The following SACS variants were observed in gnomAD, a reference collection of about 807,000 sequenced individuals.
The protein encoded by SACS is sacsin molecular chaperone, also known as sacsin.
In SACS, 197 loss-of-function variants were observed where a neutral mutation model predicts 348.0. That is an observed-to-expected ratio of 0.57 (90% confidence interval 0.50 to 0.64). The LOEUF (loss-of-function observed/expected upper bound fraction) is 0.64. Ranked by LOEUF, SACS falls within the 30% of genes least tolerant of loss-of-function variation. The pLI is 0.00. For missense variants in SACS, 4,999 were observed against 5,360.8 expected (o/e 0.93, Z 2.11); for synonymous variants, 1,985 against 1,910.6 (o/e 1.04, Z -1.02).
At chr13:23,392,102 C>G (rs1872548935) in intron 2 of SACS, among the ~76,000 whole-genome samples, 1 of 152,168 alleles carries the variant, frequency 6.6e-6, no homozygotes, top group Non-Finnish European at 1.5e-5. Context: ...ACCGGGTCCC[C>G]CCAACTTGAC....
rs762007924 is a variant in SACS, at chr13:23,332,650, A to G, written c.11226T>C (p.Asp3742=). 1.2e-6 allele frequency: 2 copies of G among 1,613,714 alleles called. No individual in the cohort carries two copies. The highest frequency in any genetic ancestry group is 1.6e-4 in the Middle Eastern group (1 of 6,062). The change falls in exon 10 of 10, where the codon GAT becomes GAC. Residue 3742 remains aspartate, a synonymous_variant. Coordinates refer to ENST00000382292, the MANE Select transcript of SACS (RefSeq NM_014363.6). ...QVLNMLNVNL[D]PPLDKVINNC... ...TATTGATTACCTTATCAAGAGGAGG[A>G]TCCAGGTTAACATTAAGCATATTTA...
chr13:23,335,514 C>T lies in SACS; in HGVS notation c.8362G>A (p.Val2788Ile), dbSNP rs766202221. ...KQFHASVIDS[V>I]TKKRQLKDIP... ...TCTTTGAGCTGCCTCTTTTTAGTAA[C>T]ACTATCAATTACAGATGCATGAAAT... Residue 2788 changes from valine to isoleucine, a missense_variant, in exon 10 of 10, where the codon GTT becomes ATT. Around this residue, in one of 6 missense-constraint regions of SACS, gnomAD observed 3,156 missense variants for 3,380.1 expected, o/e 0.93. Transcript: ENST00000382292. The surrounding 1 kb of genome is among the most constrained non-coding windows in gnomAD (Gnocchi z 4.7). 14 of 1,613,554 alleles carry T rather than the reference C, an allele frequency of 8.7e-6. No individual in the cohort carries two copies. In the East Asian group the frequency reaches 1.6e-4, roughly 18 times the overall value.
At chr13:23,373,491 CG>C in intron 3 of SACS, 3 of 155,432 alleles carry the variant, frequency 1.9e-5, no homozygotes, top group Non-Finnish European at 4.3e-5. Context: ...TTAAAGCAGT[CG>C]GGGGGCTGAG....
chr13:23,412,928 C>G (rs931038445), intron 1 of SACS, among the ~76,000 whole-genome samples: 2 of 152,130 alleles, frequency 1.3e-5, no homozygotes, highest in Admixed American at 1.3e-4. Context: ...TTTTAGGGTG[C>G]TGGGCACAAT....
chr13:23,395,881 C>G (rs1427246673), intron 2 of SACS, among the ~76,000 whole-genome samples: 1 of 152,248 alleles, frequency 6.6e-6, no homozygotes, highest in East Asian at 1.9e-4. Flanking sequence ...TACAAGGTCT[C>G]TATTTGCATC....
In SACS at chr13:23,355,554, C is replaced by T; in HGVS notation, c.1058G>A (p.Gly353Glu). The T allele has an allele frequency of 6.2e-7, 1 of 1,614,090 alleles. No individual in the cohort carries two copies. ...TTTACAATAGTTACTTATAGCAGTT[C>T]CCAGAATCTTTATAGAATTCGGCCG... ...HERPNSIKIL[G>E]TAISNYCKKT... The change falls in exon 8 of 10, where the codon GGA becomes GAA. Residue 353 changes from glycine to glutamate, a missense_variant. Transcript: ENST00000382292.
At chr13:23,424,188 C>T (rs1874065301) in intron 1 of SACS, among the ~76,000 whole-genome samples, 10 of 152,136 alleles carry the variant, frequency 6.6e-5, no homozygotes, top group African/African-American at 2.4e-4. Flanking sequence ...CAACTGGAAT[C>T]TCCATTATAC....
At chr13:23,343,340 T>C (rs541305313) in intron 9 of SACS, among the ~76,000 whole-genome samples, 7 of 152,328 alleles carry the variant, frequency 4.6e-5, no homozygotes, top group Non-Finnish European at 8.8e-5. Context: ...AAATTCGATC[T>C]TGTATAGACA....
chr13:23,331,404 T>C lies in SACS; in HGVS notation c.12472A>G (p.Thr4158Ala). Residue 4158 changes from threonine (T) to alanine (A), a missense_variant, in exon 10 of 10, where the codon ACA (threonine) becomes GCA (alanine). Physicochemically the swap from Thr to Ala is moderately conservative, Grantham distance 58. Transcript: ENST00000382292. ...TAATGAATTTCAGCAGGAATTGGTG[T>C]GCCAGGCATTGGAAGTTCCAGTTTT... ...PSKLELPMPG[T>A]PIPAEIHYTL... 1 of 1,614,092 alleles carries C rather than the reference T, an allele frequency of 6.2e-7. No individual in the cohort carries two copies.
chr13:23,398,483 G>A (rs1374952013), intron 2 of SACS, among the ~76,000 whole-genome samples: 7 of 143,746 alleles, frequency 4.9e-5, no homozygotes, highest in South Asian at 4.4e-4. Context: ...GCAGTGAGCC[G>A]AGATGGCACC....
At position 23,375,280 on chromosome 13, in the gene SACS, C is replaced by G. The variant is rs535843172; in HGVS notation, c.21-11G>C. 2.8e-6 allele frequency: 4 copies of G among 1,442,366 alleles called. No homozygotes were observed. The East Asian group carries it at 1.2e-4, about 44-fold the overall frequency. The allele number at this position is 1,442,366 out of a possible 1,614,324, so 89.3% of individuals were successfully genotyped here. On this transcript the variant is annotated splice_polypyrimidine_tract_variant and intron_variant, in intron 2 of 9. Transcript: ENST00000382292. ...GTCACCGGGACCCACCTGTGGAAAG[C>G]AGAGGGACGCTCAGTCGGGCTGCGG... is the stretch of plus-strand genomic sequence containing the variant.
In SACS at chr13:23,337,650, A is replaced by C. The variant is rs763841642; in HGVS notation, c.6226T>G (p.Leu2076Val). The C allele has an allele frequency of 1.2e-6, 2 of 1,613,658 alleles. No homozygotes were observed. Among genetic ancestry groups the C allele is most frequent in the East Asian group, 4.5e-5 (2 of 44,864 alleles). The change falls in exon 10 of 10, where the codon TTA becomes GTA. Residue 2076 changes from leucine to valine, a missense_variant. Coordinates refer to ENST00000382292, the MANE Select transcript of SACS (RefSeq NM_014363.6). ...QEIEAELRDP[L>V]MIFVLNEKVD... is the part of the protein sequence containing the mutation. ...TTTTCATTTAGAACAAAGATCATTA[A>C]AGGATCTCTAAGTTCTGCTTCAATT...
Position 23,337,217 on chromosome 13 carries a change from G to T in SACS, c.6659C>A (p.Thr2220Lys), listed in dbSNP as rs1368459843. 1.2e-6 allele frequency: 2 copies of T among 1,613,958 alleles called. No individual in the cohort carries two copies. Among genetic ancestry groups the T allele is most frequent in the Non-Finnish European group, 8.5e-7 (1 of 1,179,906 alleles). The part of the protein sequence containing the change: ...YQTIRFLPFL[T>K]KPAGFSLDWK... ...GTCCAAAGAAAAACCTGCTGGTTTT[G>T]TCAGAAATGGAAGGAAGCGGATTGT... is the stretch of plus-strand genomic sequence containing the variant. The change falls in exon 10 of 10, where the codon ACA becomes AAA. Residue 2220 changes from threonine (T) to lysine (K), a missense_variant. Around this residue, in one of 6 missense-constraint regions of SACS, gnomAD observed 3,156 missense variants for 3,380.1 expected, o/e 0.93. Transcript: ENST00000382292.
chr13:23,406,691 G>A (rs1258487862), intron 2 of SACS, among the ~76,000 whole-genome samples: 1 of 152,020 alleles, frequency 6.6e-6, no homozygotes, highest in Non-Finnish European at 1.5e-5. Flanking sequence ...TAGGTAAATT[G>A]TATCCTATTA....
In SACS at chr13:23,355,546, T is replaced by G. The variant is rs148286091; in HGVS notation, c.1066A>C (p.Ile356Leu). The change falls in exon 8 of 10, where the codon ATA becomes CTA. Residue 356 changes from isoleucine (I) to leucine (L), a missense_variant. Coordinates refer to ENST00000382292, the MANE Select transcript of SACS (RefSeq NM_014363.6). ...GGAGTCTTTTTACAATAGTTACTTA[T>G]AGCAGTTCCCAGAATCTTTATAGAA... is the stretch of plus-strand genomic sequence containing the variant. ...PNSIKILGTA[I>L]SNYCKKTPSN... The G allele has an allele frequency of 2.5e-4, 409 of 1,614,164 alleles. 3 individuals are homozygous for G. In the African/African-American group the frequency reaches 5.0e-3, roughly 20 times the overall value.
intron 1 of SACS, among the ~76,000 whole-genome samples, chr13:23,421,180 T>A (rs997619910): frequency 4.6e-5 from 7 of 151,890 alleles, no homozygotes; most frequent in African/African-American, 1.2e-4. Flanking sequence ...GTGGCTTCCA[T>A]AGCCACCTGA....
In SACS at chr13:23,411,317, G is replaced by T; in HGVS notation, c.-78C>A. ...TCTTCTGTTTAAGTCTTCCCTCTGT[G>T]CTTCCTTTAAATGTGTACTCCAAGT... On this transcript the variant is annotated 5_prime_UTR_variant, in exon 2 of 10. Coordinates refer to ENST00000382292, the MANE Select transcript of SACS (RefSeq NM_014363.6). 1 of 1,374,050 alleles carries T rather than the reference G, an allele frequency of 7.3e-7. No individual in the cohort carries two copies. The highest frequency in any genetic ancestry group is 1.0e-6 in the Non-Finnish European group (1 of 962,430). 85.1% of individuals were successfully genotyped at this position (1,374,050 alleles called of 1,614,324 possible). A position where few individuals can be genotyped will look rare whatever the true frequency, so the allele number is the denominator to read the frequency against.
intron 2 of SACS, among the ~76,000 whole-genome samples, chr13:23,404,060 T>C (rs1026253325): frequency 1.2e-4 from 18 of 152,204 alleles, no homozygotes; most frequent in African/African-American, 4.3e-4. Flanking sequence ...CGGTTTTGAG[T>C]GAGTTTCTTA....
intron 2 of SACS, among the ~76,000 whole-genome samples, chr13:23,385,463 G>A (rs9507082): frequency 0.23 from 35,400 of 151,650 alleles, 4,310 homozygotes; most frequent in South Asian, 0.34. Context: ...GGGTTCAAGC[G>A]ATTCTCCTGC....
Sources: allele counts gnomAD v4.1 joint callset (sites outside exome capture counted in the v4.1 genomes callset), GRCh38; gene constraint gnomAD v4.1.1; regional missense constraint gnomAD v4.1.1; non-coding constraint Gnocchi (gnomAD v3.1); transcripts MANE v1.5; gene names NCBI Gene and HGNC (gene_info 2026-07-23, HGNC 2026-07-21).